Variants in HERC2 observed in about 807,000 individuals in gnomAD.
The protein encoded by HERC2 is E3 ubiquitin-protein ligase HERC2.
A neutral mutation model predicts 537.7 loss-of-function variants in HERC2; 102 were observed. The observed-to-expected ratio is 0.19, with a 90% CI of 0.16 to 0.22. HERC2 has a LOEUF of 0.22. Ranked by LOEUF, HERC2 falls within the 10% of genes least tolerant of loss-of-function variation. The pLI is 1.00. For missense variants in HERC2, 4,236 were observed against 6,198.2 expected (o/e 0.68, Z 10.63); for synonymous variants, 2,224 against 2,466.2 (o/e 0.90, Z 2.91).
chr15:28,129,223 G>GC (rs1449883527), intron 83 of HERC2, among the ~76,000 whole-genome samples: 19 of 152,188 alleles, frequency 1.2e-4, no homozygotes, highest in Admixed American at 1.2e-3. Context: ...GTGTATTATG[G>GC]CAAGAGGACA....
rs1890528937 is a variant in HERC2 at position 28,135,348 on chromosome 15, T to C, written c.12230+130A>G. The C allele has an allele frequency of 6.9e-6, 5 of 724,474 alleles. 1 individual carries two copies. In the East Asian group the frequency reaches 7.4e-5, roughly 11 times the overall value. 44.9% of individuals were successfully genotyped at this position (724,474 alleles called of 1,614,324 possible). ...AAAACTATTTCTGCCAAATGAGTCA[T>C]TAACATTATTTAGTTTGAGAGTATT... On this transcript the variant is annotated intron_variant, in intron 79 of 92. Coordinates refer to ENST00000261609, the MANE Select transcript of HERC2 (RefSeq NM_004667.6).
chr15:28,210,861 G>C, intron 44 of HERC2, 141 bp downstream of exon 44: 1 of 751,802 alleles, frequency 1.3e-6, no homozygotes, highest in Non-Finnish European at 2.4e-6. Context: ...ATTCACAGTT[G>C]GTGGTTGCTG....
At chr15:28,136,281 CTGT>C (rs1890625161) in intron 78 of HERC2, among the ~76,000 whole-genome samples, 2 of 152,098 alleles carry the variant, frequency 1.3e-5, no homozygotes, top group Non-Finnish European at 1.5e-5. Context: ...AACTTAAATG[CTGT>C]TCCATGCTGT....
At chr15:28,213,028 A>G (rs982701335) in intron 42 of HERC2, 1 of 148,816 alleles carries the variant, frequency 6.7e-6, no homozygotes, top group Non-Finnish European at 1.5e-5. Flanking sequence ...CCCGGCCAAC[A>G]TAGTGAAACC....
Position 28,113,173 on chromosome 15 carries a change from G to A in HERC2, c.14130C>T (p.Ser4710=). Reference sequence around the variant, plus strand: ...AAAGAGAGCGCTCTGTGTTGGAGAAGGACTCCATCACCTCCCAGAACCACT... The same window carrying A: ...AAAGAGAGCGCTCTGTGTTGGAGAAAGACTCCATCACCTCCCAGAACCACT... ...LIQWFWEVME[S]FSNTERSLFL... The change falls in exon 92 of 93, where the codon TCC becomes TCT. Residue 4710 remains serine, a synonymous_variant. Transcript: ENST00000261609. This position sits in a 1 kb window ranked among gnomAD's most constrained non-coding sequence, Gnocchi z 7.0. The A allele has an allele frequency of 6.2e-7, 1 of 1,614,086 alleles. No individual in the cohort carries two copies. Among genetic ancestry groups the A allele is most frequent in the Non-Finnish European group, 8.5e-7 (1 of 1,179,982 alleles).
chr15:28,117,438 ACAC>A (rs1305239898), intron 86 of HERC2: 3 of 675,996 alleles, frequency 4.4e-6, no homozygotes, highest in Admixed American at 4.1e-5. Context: ...AACACGACAC[ACAC>A]CACCACCACG....
At position 28,124,161 on chromosome 15, in the gene HERC2, T is replaced by A. The variant is rs1889222044; in HGVS notation, c.13064A>T (p.His4355Leu). Residue 4355 changes from histidine (H) to leucine (L), a missense_variant, in exon 85 of 93, where the codon CAC (histidine) becomes CTC (leucine). Coordinates refer to ENST00000261609, the MANE Select transcript of HERC2 (RefSeq NM_004667.6). ...ALRNRLLLLH[H>L]LSELFCPCIP... ...GCAGGGGCAGAAGAGCTCGGAGAGG[T>A]GGTGCAGCAGCAGCAGACGGTTCCT... 2 of 1,583,416 alleles carry A rather than the reference T, an allele frequency of 1.3e-6. No individual in the cohort carries two copies. The highest frequency in any genetic ancestry group is 4.7e-5 in the East Asian group (2 of 42,488).
chr15:28,191,017 A>T lies in HERC2; in HGVS notation c.8597T>A (p.Ile2866Asn). 1 of 1,613,354 alleles carries T rather than the reference A, an allele frequency of 6.2e-7. No homozygotes were observed. Among genetic ancestry groups the T allele is most frequent in the East Asian group, 2.2e-5 (1 of 44,854 alleles). ...TGTGGTGTCAGAAGGGTTAATATTGATTGTCTTTAGTTCAATAAGGTTATT... is the reference window on the plus strand; with the variant it reads ...TGTGGTGTCAGAAGGGTTAATATTGTTTGTCTTTAGTTCAATAAGGTTATT... ...SLNNLIELKT[I>N]NINPSDTTVP... The change falls in exon 55 of 93, where the codon ATC (isoleucine) becomes AAC (asparagine). Residue 2866 changes from isoleucine to asparagine, a missense_variant. Physicochemically the swap from Ile to Asn is moderately radical, Grantham distance 149. Coordinates refer to ENST00000261609, the MANE Select transcript of HERC2 (RefSeq NM_004667.6).
At chr15:28,128,693 C>T (rs1017614649) in intron 83 of HERC2, among the ~76,000 whole-genome samples, 1 of 152,258 alleles carries the variant, frequency 6.6e-6, no homozygotes, top group East Asian at 1.9e-4. Context: ...CACATCCCCA[C>T]AGCCCGGCTG....
At chr15:28,187,497 A>T (rs748156956) in intron 55 of HERC2, among the ~76,000 whole-genome samples, 3 of 151,822 alleles carry the variant, frequency 2.0e-5, no homozygotes, top group Non-Finnish European at 4.4e-5. Context: ...ACACCCGGCT[A>T]ATTTTTTGTA....
chr15:28,238,818 T>C, intron 23 of HERC2, 46 bp from the exon 24 acceptor site: 2 of 1,393,390 alleles, frequency 1.4e-6, no homozygotes, highest in Non-Finnish European at 2.0e-6. Flanking sequence ...AATCAACAGG[T>C]AAAATGAAAA....
intron 69 of HERC2, among the ~76,000 whole-genome samples, chr15:28,156,581 T>G (rs1370239609): frequency 2.0e-5 from 3 of 152,186 alleles, no homozygotes; most frequent in Non-Finnish European, 4.4e-5. Flanking sequence ...AGAATGCTTG[T>G]GATTTTTGCA....
At position 28,191,158 on chromosome 15, in the gene HERC2, C is replaced by T. The variant is rs1329465798; in HGVS notation, c.8538G>A (p.Pro2846=). The part of the protein sequence containing the change: ...IVDPADSSYM[P]SLVVVSGGNS... ...AATTACCTGACACTACAACCAGGGA[C>T]GGCATGTAGCTACTGTCAGCAGGAT... Residue 2846 remains proline (P), a synonymous_variant, in exon 54 of 93, where the codon CCG becomes CCA. Transcript: ENST00000261609. 7 of 1,612,396 alleles carry T rather than the reference C, an allele frequency of 4.3e-6. No individual in the cohort carries two copies. Among genetic ancestry groups the T allele is most frequent in the Admixed American group, 3.3e-5 (2 of 59,998 alleles).
In HERC2 at chr15:28,246,905, A is replaced by G. The variant is rs376975329; in HGVS notation, c.3236-8T>C. ...CACCCATTAGCTCTGGACCTTGAAG[A>G]AGGATTGAGAAATTTTCATTTTCAC... On this transcript the variant is annotated splice_region_variant and splice_polypyrimidine_tract_variant and intron_variant, in intron 21 of 92. Transcript: ENST00000261609. The G allele has an allele frequency of 1.9e-6, 3 of 1,592,682 alleles. No individual in the cohort carries two copies. The highest frequency in any genetic ancestry group is 1.2e-5 in the South Asian group (1 of 85,678).
chr15:28,194,654 T>G (rs1410190445), intron 52 of HERC2, among the ~76,000 whole-genome samples: 1 of 152,142 alleles, frequency 6.6e-6, no homozygotes, highest in Non-Finnish European at 1.5e-5. Context: ...TTGGAACTTT[T>G]GTTTGAGCAT....
At chr15:28,166,843 T>G (rs891658588) in intron 68 of HERC2, among the ~76,000 whole-genome samples, 1 of 151,964 alleles carries the variant, frequency 6.6e-6, no homozygotes, top group African/African-American at 2.4e-5. Context: ...AATAACCAAG[T>G]CCAGGACCAT....
At chr15:28,297,663 G>GT (rs1307682284) in intron 3 of HERC2, among the ~76,000 whole-genome samples, 1 of 152,174 alleles carries the variant, frequency 6.6e-6, no homozygotes, top group Non-Finnish European at 1.5e-5. Flanking sequence ...GGCGCAATTT[G>GT]TCAAATGCTG....
chr15:28,256,329 A>G lies in HERC2; in HGVS notation c.2518-12T>C. ...ATGGCAGCATGCAACTGAAAGGAGA[A>G]AAACAATTTTCACTTAGAACCCCTA... On this transcript the variant is annotated splice_polypyrimidine_tract_variant and intron_variant, in intron 17 of 92. Transcript: ENST00000261609. 2 of 1,564,990 alleles carry G rather than the reference A, an allele frequency of 1.3e-6. No individual in the cohort carries two copies. Among genetic ancestry groups the G allele is most frequent in the Non-Finnish European group, 1.7e-6 (2 of 1,159,340 alleles).
At position 28,191,133 on chromosome 15, in the gene HERC2, A is replaced by C; in HGVS notation, c.8557+6T>G. On this transcript the variant is annotated splice_donor_region_variant and intron_variant, in intron 54 of 92. Coordinates refer to ENST00000261609, the MANE Select transcript of HERC2 (RefSeq NM_004667.6). ...TACTTCTTTTTAGGTAAACTAACTG[A>C]ATTACCTGACACTACAACCAGGGAC... 1 of 1,605,114 alleles carries C rather than the reference A, an allele frequency of 6.2e-7. No individual in the cohort carries two copies. The highest frequency in any genetic ancestry group is 8.5e-7 in the Non-Finnish European group (1 of 1,171,852).
Sources: allele counts gnomAD v4.1 joint callset (sites outside exome capture counted in the v4.1 genomes callset), GRCh38; gene constraint gnomAD v4.1.1; non-coding constraint Gnocchi (gnomAD v3.1); transcripts MANE v1.5; gene names NCBI Gene and HGNC (gene_info 2026-07-23, HGNC 2026-07-21).